RAB38: variants seen among roughly 807,000 people sequenced by gnomAD.
The protein encoded by RAB38 is RAB38, member RAS oncogene family, also known as ras-related protein Rab-38.
RAB38 carries 15 observed loss-of-function variants against 18.4 expected under a neutral mutation model. That is an observed-to-expected ratio of 0.82 (90% CI 0.55 to 1.26). The LOEUF is 1.26. Among genes scored for constraint, RAB38 ranks in the 50% most tolerant of loss-of-function variants. The probability of loss-of-function intolerance (pLI) is 0.00; values close to 1 mark genes in which losing one functional copy is unlikely to be tolerated. For missense variants in RAB38, 294 were observed against 267.4 expected (o/e 1.10, Z -0.69); for synonymous variants, 101 against 104.4 (o/e 0.97, Z 0.20).
chr11:87,901,600 A>G, the RAB38 span, among the ~76,000 whole-genome samples: 1 of 151,650 alleles, frequency 6.6e-6, no homozygotes, highest in South Asian at 2.1e-4. Flanking sequence ...ACAGTAGTAT[A>G]TGCTGCCTTG....
chr11:88,041,187 A>G, the RAB38 span, among the ~76,000 whole-genome samples: 1 of 152,232 alleles, frequency 6.6e-6, no homozygotes. Context: ...TACTATTCTT[A>G]TATAAATGTT....
the RAB38 span, among the ~76,000 whole-genome samples, chr11:88,029,548 A>T: frequency 9.5e-4 from 144 of 152,264 alleles, 1 homozygote; most frequent in African/African-American, 3.3e-3. Flanking sequence ...TACCAAGCAA[A>T]TGGAAAACAA....
chr11:87,927,561 C>T, the RAB38 span, among the ~76,000 whole-genome samples: 2 of 151,926 alleles, frequency 1.3e-5, no homozygotes, highest in Admixed American at 1.3e-4. Context: ...TCTAAGAAGC[C>T]TTCCTCCTAT....
At chr11:87,958,532 G>A in the RAB38 span, among the ~76,000 whole-genome samples, 97 of 152,238 alleles carry the variant, frequency 6.4e-4, no homozygotes, top group Non-Finnish European at 1.1e-3. Context: ...TCTTAGCAAT[G>A]TTATGATACA....
At chr11:88,077,982 A>T in the RAB38 span, among the ~76,000 whole-genome samples, 1 of 152,100 alleles carries the variant, frequency 6.6e-6, no homozygotes, top group Non-Finnish European at 1.5e-5. Context: ...CATCATCATC[A>T]TCATCATCCA....
At chr11:87,841,861 C>T in the RAB38 span, among the ~76,000 whole-genome samples, 19 of 152,268 alleles carry the variant, frequency 1.2e-4, no homozygotes, top group East Asian at 3.9e-4. Context: ...CTGTAGTTTA[C>T]TCCTGTTTTC....
chr11:87,858,003 C>T, the RAB38 span, among the ~76,000 whole-genome samples: 11 of 152,250 alleles, frequency 7.2e-5, no homozygotes, highest in South Asian at 2.3e-3. Context: ...TTAGGTTTAA[C>T]ATTTAAGTCT....
At chr11:87,911,874 T>A in the RAB38 span, among the ~76,000 whole-genome samples, 7 of 151,964 alleles carry the variant, frequency 4.6e-5, no homozygotes, top group Non-Finnish European at 8.8e-5. Flanking sequence ...CATTTATCAA[T>A]TGGAAGAAAT....
At chr11:87,873,713 T>C in the RAB38 span, among the ~76,000 whole-genome samples, 2 of 151,380 alleles carry the variant, frequency 1.3e-5, no homozygotes, top group African/African-American at 4.8e-5. Flanking sequence ...GAAAAAAATA[T>C]CCTTTTTCCA....
At chr11:88,059,238 T>C in the RAB38 span, among the ~76,000 whole-genome samples, 1 of 152,250 alleles carries the variant, frequency 6.6e-6, no homozygotes, top group Non-Finnish European at 1.5e-5. Flanking sequence ...AATAAAATGC[T>C]AATTATTAAC....
chr11:87,824,921 T>G, the RAB38 span, among the ~76,000 whole-genome samples: 1 of 151,906 alleles, frequency 6.6e-6, no homozygotes, highest in African/African-American at 2.4e-5. Context: ...GGACCACCAG[T>G]AAGGCACATA....
At chr11:87,952,790 A>C in the RAB38 span, among the ~76,000 whole-genome samples, 1 of 152,182 alleles carries the variant, frequency 6.6e-6, no homozygotes, top group Admixed American at 6.5e-5. Context: ...TGTCTTTTAC[A>C]TGTTTGTCTG....
At chr11:87,971,854 G>A in the RAB38 span, among the ~76,000 whole-genome samples, 1 of 151,738 alleles carries the variant, frequency 6.6e-6, no homozygotes, top group Non-Finnish European at 1.5e-5. Flanking sequence ...TTTGCTGAAT[G>A]TAGTAGACAG....
At chr11:88,059,383 T>A in the RAB38 span, among the ~76,000 whole-genome samples, 1 of 152,218 alleles carries the variant, frequency 6.6e-6, no homozygotes. Context: ...CTTGCTAATG[T>A]GAGGGATGGG....
At chr11:87,812,237 C>CA in the RAB38 span, among the ~76,000 whole-genome samples, 1 of 151,570 alleles carries the variant, frequency 6.6e-6, no homozygotes, top group African/African-American at 2.4e-5. Flanking sequence ...TTTTTCAAGC[C>CA]TCTTTTTGTT....
the RAB38 span, among the ~76,000 whole-genome samples, chr11:88,012,874 A>T: frequency 2.0e-5 from 3 of 152,332 alleles, no homozygotes; most frequent in Admixed American, 1.3e-4. Flanking sequence ...AAAAAAGCTC[A>T]AATGTAACTT....
At chr11:88,004,443 A>G in the RAB38 span, among the ~76,000 whole-genome samples, 2 of 151,260 alleles carry the variant, frequency 1.3e-5, no homozygotes, top group Non-Finnish European at 3.0e-5. Context: ...ATCAAAAACT[A>G]TCAGAAAACC....
chr11:87,922,500 T>C, the RAB38 span, among the ~76,000 whole-genome samples: 2 of 151,986 alleles, frequency 1.3e-5, no homozygotes, highest in African/African-American at 2.4e-5. Flanking sequence ...GGGCAATGCT[T>C]AATTACCTGT....
At chr11:88,123,691 A>G (rs1181668022) in intron 2 of RAB38, among the ~76,000 whole-genome samples, 1 of 152,212 alleles carries the variant, frequency 6.6e-6, no homozygotes, top group Non-Finnish European at 1.5e-5. Flanking sequence ...AGTGCATTTA[A>G]TAACTAAATG....
Sources: allele counts gnomAD v4.1 joint callset (sites outside exome capture counted in the v4.1 genomes callset), GRCh38; gene constraint gnomAD v4.1.1; transcripts MANE v1.5; gene names NCBI Gene and HGNC (gene_info 2026-07-23, HGNC 2026-07-21).